Variants in GALNT18 observed in about 807,000 individuals in gnomAD.
GALNT18 encodes polypeptide N-acetylgalactosaminyltransferase 18.
GALNT18 carries 44 observed loss-of-function variants against 69.5 expected under a neutral mutation model. That is an observed-to-expected ratio of 0.63 (90% CI 0.50 to 0.81). The LOEUF (loss-of-function observed/expected upper bound fraction) is 0.81. Among genes scored for constraint, GALNT18 ranks in the 40% least tolerant of loss-of-function variants. GALNT18 has a pLI of 0.00. For missense variants in GALNT18, 715 were observed against 810.0 expected (o/e 0.88, Z 1.42); for synonymous variants, 364 against 318.2 (o/e 1.14, Z -1.53).
intron 1 of GALNT18, among the ~76,000 whole-genome samples, chr11:11,597,408 A>G (rs1859525127): frequency 6.6e-6 from 1 of 152,166 alleles, no homozygotes; most frequent in Non-Finnish European, 1.5e-5. Context: ...CAGTAAAGCC[A>G]TTTGGACCTG....
At chr11:11,424,689 A>C (rs75910832) in intron 3 of GALNT18, among the ~76,000 whole-genome samples, 3,567 of 152,224 alleles carry the variant, frequency 0.023, 240 homozygotes, top group East Asian at 0.15. Context: ...GGTAAAACAC[A>C]GCAGGATAAG....
chr11:11,490,015 T>C (rs1248317052), intron 1 of GALNT18, among the ~76,000 whole-genome samples: 4 of 152,152 alleles, frequency 2.6e-5, no homozygotes, highest in Admixed American at 2.6e-4. Context: ...GGAAACTTCA[T>C]CTCCAATGTG....
rs538009814 is a variant in GALNT18, at chr11:11,314,161, A to G, written c.1512+12925T>C. Among the ~76,000 whole-genome samples, 2 of 152,256 alleles carry G rather than the reference A, an allele frequency of 1.3e-5. No homozygotes were observed. Among genetic ancestry groups the G allele is most frequent in the African/African-American group, 4.8e-5 (2 of 41,558 alleles). ...AGGCCAGAGAGGCCTGGGAAGCAAG[A>G]CTGTCCAAAGAACGGTGGGTGGAGG... On this transcript the variant is annotated intron_variant, in intron 9 of 10. Transcript: ENST00000227756. This position sits in a 1 kb window ranked among gnomAD's most constrained non-coding sequence, Gnocchi z 5.2.
rs140660952 is a variant in GALNT18, at chr11:11,492,781, C to T, written c.236-43845G>A. 7.9e-3 allele frequency among the ~76,000 whole-genome samples: 1,207 copies of T among 152,024 alleles called. 8 individuals are homozygous for T. Among genetic ancestry groups the T allele is most frequent in the Non-Finnish European group, 0.014 (950 of 67,964 alleles). On this transcript the variant is annotated intron_variant, in intron 1 of 10. Transcript: ENST00000227756. ...GGCAAGGGGAGGGAGAGTATTAGGACAAATACCTAACGTATCTGGGGCCTA... is the reference window on the plus strand; with the variant it reads ...GGCAAGGGGAGGGAGAGTATTAGGATAAATACCTAACGTATCTGGGGCCTA...
chr11:11,346,046 G>A (rs1850297615), intron 6 of GALNT18, among the ~76,000 whole-genome samples: 1 of 152,224 alleles, frequency 6.6e-6, no homozygotes, highest in Non-Finnish European at 1.5e-5. Context: ...CGCACGTCCT[G>A]AATAATTTAT....
chr11:11,552,648 G>T (rs1858226951), intron 1 of GALNT18, among the ~76,000 whole-genome samples: 1 of 152,108 alleles, frequency 6.6e-6, no homozygotes. Flanking sequence ...CCTTGTAAGG[G>T]CTCAACAGCA....
rs1857941682 is a variant in GALNT18 at position 11,542,075 on chromosome 11, C to A, written c.235+79284G>T. ...TTGCTGGGAACGCAGAGGGAAACTGCCCAGTGAGGAGGCTGCAGAGGGTTC... is the reference window on the plus strand; with the variant it reads ...TTGCTGGGAACGCAGAGGGAAACTGACCAGTGAGGAGGCTGCAGAGGGTTC... On this transcript the variant is annotated intron_variant, in intron 1 of 10. Transcript: ENST00000227756. This position sits in a 1 kb window ranked among gnomAD's most constrained non-coding sequence, Gnocchi z 4.3. Among the ~76,000 whole-genome samples the A allele has an allele frequency of 6.6e-6, 1 of 152,282 alleles. No homozygotes were observed. The highest frequency in any genetic ancestry group is 2.1e-4 in the South Asian group (1 of 4,810).
At chr11:11,524,347 C>T (rs1250416309) in intron 1 of GALNT18, among the ~76,000 whole-genome samples, 2 of 152,150 alleles carry the variant, frequency 1.3e-5, no homozygotes, top group Non-Finnish European at 2.9e-5. Context: ...CATTTATCTG[C>T]CCTCCTTCTC....
chr11:11,375,290 T>C (rs1853718974), intron 5 of GALNT18, among the ~76,000 whole-genome samples: 1 of 152,358 alleles, frequency 6.6e-6, no homozygotes, highest in South Asian at 2.1e-4. Context: ...CCATAGAAGT[T>C]ATTTCCCTCA....
At chr11:11,495,261 A>G (rs998183005) in intron 1 of GALNT18, among the ~76,000 whole-genome samples, 1 of 152,208 alleles carries the variant, frequency 6.6e-6, no homozygotes, top group African/African-American at 2.4e-5. Context: ...TGGTGTATAC[A>G]GGAATGTTAG....
At position 11,582,323 on chromosome 11, in the gene GALNT18, G is replaced by A. The variant is rs1394140197; in HGVS notation, c.235+39036C>T. Among the ~76,000 whole-genome samples the A allele has an allele frequency of 6.6e-6, 1 of 152,194 alleles. No homozygotes were observed. Among genetic ancestry groups the A allele is most frequent in the Non-Finnish European group, 1.5e-5 (1 of 68,042 alleles). ...GCTGGGCATGGCCAGGAGGCAAAGG[G>A]CCTTTGTTCCCAATCATTCACTGCC... On this transcript the variant is annotated intron_variant, in intron 1 of 10. Coordinates refer to ENST00000227756, the MANE Select transcript of GALNT18 (RefSeq NM_198516.3). This position sits in a 1 kb window ranked among gnomAD's most constrained non-coding sequence, Gnocchi z 5.0.
intron 1 of GALNT18, among the ~76,000 whole-genome samples, chr11:11,551,454 G>C (rs978805201): frequency 1.3e-5 from 2 of 152,120 alleles, no homozygotes; most frequent in African/African-American, 4.8e-5. Context: ...GTCATGGAGC[G>C]GAAACAGATT....
intron 1 of GALNT18, among the ~76,000 whole-genome samples, chr11:11,522,777 C>T (rs1322936848): frequency 2.0e-5 from 3 of 152,212 alleles, no homozygotes; most frequent in African/African-American, 7.2e-5. Flanking sequence ...GACAAAGACA[C>T]TTGTCACGCA....
intron 1 of GALNT18, among the ~76,000 whole-genome samples, chr11:11,568,329 G>A (rs533243589): frequency 2.0e-5 from 3 of 152,082 alleles, no homozygotes; most frequent in East Asian, 1.9e-4. Context: ...CTGGGGAGTT[G>A]GCCAGCTCTT....
intron 6 of GALNT18, among the ~76,000 whole-genome samples, chr11:11,371,826 A>G (rs752093389): frequency 6.6e-6 from 1 of 152,128 alleles, no homozygotes; most frequent in Non-Finnish European, 1.5e-5. Flanking sequence ...TTATGTTTTC[A>G]CCGGCCAAGG....
At chr11:11,401,428 G>T (rs1409639643) in intron 3 of GALNT18, among the ~76,000 whole-genome samples, 1 of 152,190 alleles carries the variant, frequency 6.6e-6, no homozygotes, top group Non-Finnish European at 1.5e-5. Context: ...GTGCTGGGCA[G>T]CATGGTTGAG....
intron 3 of GALNT18, among the ~76,000 whole-genome samples, chr11:11,428,146 T>C (rs1855177192): frequency 6.6e-6 from 1 of 152,212 alleles, no homozygotes; most frequent in African/African-American, 2.4e-5. Flanking sequence ...ATGAAAGTCT[T>C]GCACTGAGAG....
In GALNT18 at chr11:11,285,734, C is replaced by T. The variant is rs76747259; in HGVS notation, c.1677+7295G>A. 7.4e-3 allele frequency among the ~76,000 whole-genome samples: 1,123 copies of T among 152,316 alleles called. 14 individuals are homozygous for T. The highest frequency in any genetic ancestry group is 0.026 in the African/African-American group (1,069 of 41,560). On this transcript the variant is annotated intron_variant, in intron 10 of 10. Transcript: ENST00000227756. Reference sequence around the variant, plus strand: ...CTCAAAGTTGGACTTGCTGACAGCACTTGGGGATTGGAGCAGGAGAAAGTC... The same window carrying T: ...CTCAAAGTTGGACTTGCTGACAGCATTTGGGGATTGGAGCAGGAGAAAGTC...
rs985521391 is a variant in GALNT18 at position 11,616,869 on chromosome 11, A to G, written c.235+4490T>C. ...GGCTAAAAAGATGAGTGTTGTTTCT[A>G]AGAAAATTACTTTAAGTTCTAAGTG... On this transcript the variant is annotated intron_variant, in intron 1 of 10. Transcript: ENST00000227756. The surrounding 1 kb of genome is among the most constrained non-coding windows in gnomAD (Gnocchi z 4.4). Among the ~76,000 whole-genome samples the G allele has an allele frequency of 6.6e-6, 1 of 152,266 alleles. No homozygotes were observed. Among genetic ancestry groups the G allele is most frequent in the Non-Finnish European group, 1.5e-5 (1 of 68,048 alleles).
Sources: allele counts gnomAD v4.1 joint callset (sites outside exome capture counted in the v4.1 genomes callset), GRCh38; gene constraint gnomAD v4.1.1; non-coding constraint Gnocchi (gnomAD v3.1); transcripts MANE v1.5; gene names NCBI Gene and HGNC (gene_info 2026-07-23, HGNC 2026-07-21).